SKP1: variants seen among roughly 807,000 people sequenced by gnomAD.
The protein encoded by SKP1 is S-phase kinase-associated protein 1.
In SKP1, 1 loss-of-function variant was observed where a neutral mutation model predicts 21.5. The observed-to-expected ratio is 0.05, with a 90% CI of 0.02 to 0.22. The LOEUF is 0.22. Among genes scored for constraint, SKP1 ranks in the 10% least tolerant of loss-of-function variants. The probability of loss-of-function intolerance (pLI) is 1.00; values close to 1 mark genes in which losing one functional copy is unlikely to be tolerated. For missense variants in SKP1, 70 were observed against 192.0 expected (o/e 0.36, Z 3.76); for synonymous variants, 59 against 59.3 (o/e 0.99, Z 0.03).
At chr5:134,159,491 T>C (rs1469196292) in intron 4 of SKP1, among the ~76,000 whole-genome samples, 1 of 151,804 alleles carries the variant, frequency 6.6e-6, no homozygotes, top group Non-Finnish European at 1.5e-5. Context: ...GCCAATTCTC[T>C]TGCTTCAGTC....
chr5:134,165,532 G>A (rs1487194348), intron 3 of SKP1, among the ~76,000 whole-genome samples: 1 of 148,860 alleles, frequency 6.7e-6, no homozygotes, highest in Non-Finnish European at 1.5e-5. Context: ...AGAGGTTGCA[G>A]TGAGCTGAGA....
At position 134,152,458 on chromosome 5, in the gene SKP1, CA is replaced by C. The variant is rs1761057442; in HGVS notation, c.*5274del. The C allele has an allele frequency of 6.6e-6, 1 of 152,272 alleles. No individual in the cohort carries two copies. The highest frequency in any genetic ancestry group is 2.4e-5 in the African/African-American group (1 of 41,454). 9.4% of individuals were successfully genotyped at this position (152,272 alleles called of 1,614,324 possible). ...ACAAATCCAACTTGATTCTTGAAAC[CA>C]AATTAGTTTCACTTTACAAAACCTT... On this transcript the variant is annotated 3_prime_UTR_variant, in exon 6 of 6. Transcript: ENST00000353411.
chr5:134,174,060 GA>G, intron 1 of SKP1, 38 bp from the exon 2 acceptor site: 1 of 1,263,852 alleles, frequency 7.9e-7, no homozygotes, highest in Non-Finnish European at 1.2e-6. Context: ...ATTTAAGAGA[GA>G]GAGTTCTACA....
intron 4 of SKP1, among the ~76,000 whole-genome samples, chr5:134,159,839 G>A (rs965409385): frequency 2.7e-5 from 4 of 150,804 alleles, no homozygotes; most frequent in Non-Finnish European, 4.4e-5. Flanking sequence ...GAGCCACCGC[G>A]CCCGGCCTAA....
intron 5 of SKP1, chr5:134,158,000 T>G: frequency 6.7e-7 from 1 of 1,503,478 alleles, no homozygotes. Context: ...GGCAATTTAC[T>G]AAAGTTGACA....
intron 3 of SKP1, among the ~76,000 whole-genome samples, chr5:134,163,235 TATC>T (rs200795826): frequency 0.52 from 51,556 of 99,730 alleles, 11,884 homozygotes; most frequent in Middle Eastern, 0.62. Context: ...AAAAAATCAC[TATC>T]ACTACTAACA....
rs1761137206 is a variant in SKP1, at chr5:134,157,312, T to C, written c.*421A>G. ...TTTACTTCAAGAAGCCTTTTTCCAGTTTCCAACTCATGAATAAAGATAATA... is the reference window on the plus strand; with the variant it reads ...TTTACTTCAAGAAGCCTTTTTCCAGCTTCCAACTCATGAATAAAGATAATA... On this transcript the variant is annotated 3_prime_UTR_variant, in exon 6 of 6. Transcript: ENST00000353411. The C allele has an allele frequency of 5.5e-6, 1 of 181,856 alleles. No individual in the cohort carries two copies. Among genetic ancestry groups the C allele is most frequent in the Admixed American group, 5.6e-5 (1 of 17,804 alleles). The allele number at this position is 181,856 out of a possible 1,614,324, so 11.3% of individuals were successfully genotyped here.
chr5:134,170,093 C>T (rs890274870), intron 2 of SKP1, among the ~76,000 whole-genome samples: 11 of 152,052 alleles, frequency 7.2e-5, no homozygotes, highest in Middle Eastern at 3.4e-3. Flanking sequence ...TGCTTGAACC[C>T]AGGAGGCAGA....
At chr5:134,160,896 A>G in intron 4 of SKP1, 91 bp downstream of exon 4, 1 of 827,320 alleles carries the variant, frequency 1.2e-6, no homozygotes, top group Non-Finnish European at 1.9e-6. Context: ...GAGAGTATTA[A>G]AATTCAGTGT....
At chr5:134,165,171 C>T (rs974262394) in intron 3 of SKP1, among the ~76,000 whole-genome samples, 1 of 151,792 alleles carries the variant, frequency 6.6e-6, no homozygotes, top group African/African-American at 2.4e-5. Flanking sequence ...GATAGCTGCA[C>T]AACACTGTGA....
chr5:134,169,151 G>C (rs372943025), intron 2 of SKP1, among the ~76,000 whole-genome samples: 1 of 152,180 alleles, frequency 6.6e-6, no homozygotes, highest in Non-Finnish European at 1.5e-5. Flanking sequence ...GATGTCAACA[G>C]GTCTAGATAA....
At chr5:134,170,562 C>T (rs1194176116) in intron 2 of SKP1, among the ~76,000 whole-genome samples, 1 of 152,114 alleles carries the variant, frequency 6.6e-6, no homozygotes, top group Non-Finnish European at 1.5e-5. Context: ...AACCCATAAC[C>T]AGAGATACTG....
At chr5:134,175,724 T>C (rs1296836871) in intron 1 of SKP1, among the ~76,000 whole-genome samples, 1 of 152,268 alleles carries the variant, frequency 6.6e-6, no homozygotes, top group Non-Finnish European at 1.5e-5. Context: ...GGTTAATCTG[T>C]AATTCGATGC....
rs1401240691 is a variant in SKP1, at chr5:134,155,061, A to G, written c.*2672T>C. 6.6e-6 allele frequency: 1 copy of G among 152,234 alleles called. No homozygotes were observed. The highest frequency in any genetic ancestry group is 2.4e-5 in the African/African-American group (1 of 41,462). The allele number at this position is 152,234 out of a possible 1,614,324, so 9.4% of individuals were successfully genotyped here. A position where few individuals can be genotyped will look rare whatever the true frequency, so the allele number is the denominator to read the frequency against. On this transcript the variant is annotated 3_prime_UTR_variant, in exon 6 of 6. Coordinates refer to ENST00000353411, the MANE Select transcript of SKP1 (RefSeq NM_170679.3). ...CCTGCTGTCAAGTGACTTCCAATGA[A>G]GTTCTGGAACTAATATAAAGCAGAC...
At position 134,155,296 on chromosome 5, in the gene SKP1, A is replaced by G. The variant is rs1441005927; in HGVS notation, c.*2437T>C. ...GAGAAAGGACCACTCACTCCAGGTGAAAGCCTAGAAAAGTTCTAGTAGATA... is the reference window on the plus strand; with the variant it reads ...GAGAAAGGACCACTCACTCCAGGTGGAAGCCTAGAAAAGTTCTAGTAGATA... On this transcript the variant is annotated 3_prime_UTR_variant, in exon 6 of 6. Coordinates refer to ENST00000353411, the MANE Select transcript of SKP1 (RefSeq NM_170679.3). 3 of 152,258 alleles carry G rather than the reference A, an allele frequency of 2.0e-5. No individual in the cohort carries two copies. The highest frequency in any genetic ancestry group is 4.4e-5 in the Non-Finnish European group (3 of 68,050). The allele number at this position is 152,258 out of a possible 1,614,324, so 9.4% of individuals were successfully genotyped here.
At chr5:134,168,524 G>A (rs1455735811) in intron 2 of SKP1, among the ~76,000 whole-genome samples, 3 of 152,032 alleles carry the variant, frequency 2.0e-5, no homozygotes, top group Non-Finnish European at 4.4e-5. Context: ...TTTTCCAACA[G>A]GATATATGAG....
At chr5:134,167,852 T>C (rs1251642594) in intron 2 of SKP1, among the ~76,000 whole-genome samples, 1 of 152,196 alleles carries the variant, frequency 6.6e-6, no homozygotes, top group Non-Finnish European at 1.5e-5. Flanking sequence ...GTATACACAG[T>C]GATGTGCATA....
chr5:134,170,379 C>T (rs551244203), intron 2 of SKP1, among the ~76,000 whole-genome samples: 1 of 152,164 alleles, frequency 6.6e-6, no homozygotes, highest in African/African-American at 2.4e-5. Context: ...CAAGTAGCAA[C>T]AGTCATTCCT....
intron 1 of SKP1, chr5:134,174,741 G>C (rs6865710): frequency 0.059 from 8,830 of 150,210 alleles, 346 homozygotes; most frequent in Middle Eastern, 0.12. Flanking sequence ...ATTATGAGTC[G>C]TTAGGAAAAA....
Sources: gnomAD v4.1 joint callset for allele counts (sites outside exome capture counted in the v4.1 genomes callset) on GRCh38, gnomAD v4.1.1 for gene constraint, MANE v1.5 for transcripts, NCBI Gene and HGNC (gene_info 2026-07-23, HGNC 2026-07-21) for gene names.